KHDRBS2: variants seen among roughly 807,000 people sequenced by gnomAD.
The protein encoded by KHDRBS2 is KH domain-containing, RNA-binding, signal transduction-associated protein 2.
KHDRBS2 carries 26 observed loss-of-function variants against 44.3 expected under a neutral mutation model. The observed-to-expected ratio is 0.59, with a 90% CI of 0.43 to 0.81. The LOEUF is 0.81. KHDRBS2 is among the 40% of genes least tolerant of loss of function. The pLI is 0.00. For missense variants in KHDRBS2, 476 were observed against 433.1 expected, an observed-to-expected ratio of 1.10 and a Z score of -0.88; for synonymous variants, 194 against 151.1, an observed-to-expected ratio of 1.28 and a Z score of -2.08.
chr6:61,580,912 T>A, the KHDRBS2 span, among the ~76,000 whole-genome samples: 2 of 152,118 alleles, frequency 1.3e-5, no homozygotes, highest in Non-Finnish European at 2.9e-5. Flanking sequence ...AGGAATTAAT[T>A]CCAGACACAA....
At chr6:61,652,896 G>A in the KHDRBS2 span, among the ~76,000 whole-genome samples, 364 of 152,206 alleles carry the variant, frequency 2.4e-3, 1 homozygote, top group African/African-American at 7.7e-3. Context: ...TGAACATGCC[G>A]TGAGGAGATA....
chr6:61,734,736 ATCT>A (rs904183759), intron 6 of KHDRBS2, among the ~76,000 whole-genome samples: 4 of 152,030 alleles, frequency 2.6e-5, no homozygotes, highest in African/African-American at 9.7e-5. Flanking sequence ...TTGTTCATTC[ATCT>A]TATTATTTTC....
chr6:62,254,311 G>T (rs1203008879), intron 1 of KHDRBS2, among the ~76,000 whole-genome samples: 1 of 152,090 alleles, frequency 6.6e-6, no homozygotes, highest in Non-Finnish European at 1.5e-5. Flanking sequence ...ACAAATATTT[G>T]AATCACTGAT....
At chr6:62,242,429 G>C (rs746622993) in intron 1 of KHDRBS2, among the ~76,000 whole-genome samples, 2 of 152,088 alleles carry the variant, frequency 1.3e-5, no homozygotes, top group Non-Finnish European at 2.9e-5. Flanking sequence ...GCACATTACA[G>C]GATATTTAGC....
chr6:62,070,028 A>AT (rs1445088178), intron 2 of KHDRBS2, among the ~76,000 whole-genome samples: 1 of 151,378 alleles, frequency 6.6e-6, no homozygotes, highest in Non-Finnish European at 1.5e-5. Context: ...AAAGGTGTTA[A>AT]TTTTTGTCAG....
intron 4 of KHDRBS2, among the ~76,000 whole-genome samples, chr6:61,932,286 T>G (rs1282181489): frequency 6.6e-6 from 1 of 152,210 alleles, no homozygotes; most frequent in Non-Finnish European, 1.5e-5. Flanking sequence ...ATTTTTGTAA[T>G]GAAAGAATGT....
chr6:61,956,668 C>G (rs1242873947), intron 4 of KHDRBS2, among the ~76,000 whole-genome samples: 1 of 152,114 alleles, frequency 6.6e-6, no homozygotes, highest in Non-Finnish European at 1.5e-5. Flanking sequence ...GGTAAATTCT[C>G]CATTCTCTGC....
intron 6 of KHDRBS2, among the ~76,000 whole-genome samples, chr6:61,797,511 G>A (rs927675599): frequency 3.9e-5 from 6 of 152,034 alleles, no homozygotes; most frequent in Non-Finnish European, 8.8e-5. Flanking sequence ...AAAGCACTTA[G>A]CAAGTACCAG....
chr6:62,177,377 A>C (rs1563008124), intron 1 of KHDRBS2, 65 bp from the exon 2 acceptor site: 15 of 1,246,296 alleles, frequency 1.2e-5, no homozygotes, highest in Middle Eastern at 4.3e-4. Flanking sequence ...AATATGCTGA[A>C]AAATGTTATC....
intron 6 of KHDRBS2, among the ~76,000 whole-genome samples, chr6:61,851,377 G>A (rs1216190498): frequency 6.6e-6 from 1 of 151,884 alleles, no homozygotes; most frequent in Non-Finnish European, 1.5e-5. Context: ...TGTTGTTTGG[G>A]ACTGAACTGT....
At chr6:61,954,172 C>A (rs1214414022) in intron 4 of KHDRBS2, among the ~76,000 whole-genome samples, 1 of 151,976 alleles carries the variant, frequency 6.6e-6, no homozygotes, top group Admixed American at 6.6e-5. Flanking sequence ...CCAGAAGCAC[C>A]TGCCAAGGTC....
intron 6 of KHDRBS2, among the ~76,000 whole-genome samples, chr6:61,772,869 C>T (rs1203360412): frequency 6.6e-6 from 1 of 152,010 alleles, no homozygotes; most frequent in African/African-American, 2.4e-5. Flanking sequence ...CAATTCCCAC[C>T]TATGAGTGAG....
At chr6:61,698,602 A>G (rs908007459) in intron 7 of KHDRBS2, among the ~76,000 whole-genome samples, 2 of 152,052 alleles carry the variant, frequency 1.3e-5, no homozygotes, top group Non-Finnish European at 2.9e-5. Flanking sequence ...TTAGCTCCCT[A>G]CTCAAAATTC....
the KHDRBS2 span, among the ~76,000 whole-genome samples, chr6:61,580,638 A>G: frequency 6.6e-6 from 1 of 151,968 alleles, no homozygotes; most frequent in Admixed American, 6.6e-5. Flanking sequence ...CACTGGGACA[A>G]ACAAACAACT....
At chr6:61,642,660 CA>C in the KHDRBS2 span, among the ~76,000 whole-genome samples, 105,144 of 134,750 alleles carry the variant, frequency 0.78, 40,502 homozygotes, top group Non-Finnish European at 0.82. Context: ...GACTCCACAT[CA>C]AAAAAAAAAA....
chr6:61,870,302 G>T (rs1443973386), intron 6 of KHDRBS2, among the ~76,000 whole-genome samples: 1 of 152,138 alleles, frequency 6.6e-6, no homozygotes, highest in Non-Finnish European at 1.5e-5. Flanking sequence ...CGGAGCCCAC[G>T]CAGCTCAGTA....
intron 4 of KHDRBS2, among the ~76,000 whole-genome samples, chr6:61,957,476 C>T (rs921779059): frequency 4.0e-5 from 6 of 151,078 alleles, no homozygotes; most frequent in Non-Finnish European, 5.9e-5. Context: ...GAGAATGCGT[C>T]CCTGAGGGGA....
chr6:61,775,754 G>T (rs1781867201), intron 6 of KHDRBS2, among the ~76,000 whole-genome samples: 1 of 152,140 alleles, frequency 6.6e-6, no homozygotes, highest in Admixed American at 6.6e-5. Flanking sequence ...TCCCCATCAA[G>T]CTACCAGTGA....
At chr6:62,169,152 TATATACGTAC>T (rs1819402345) in intron 2 of KHDRBS2, among the ~76,000 whole-genome samples, 1 of 91,370 alleles carries the variant, frequency 1.1e-5, no homozygotes, top group African/African-American at 4.1e-5. Context: ...TATGTGTGTA[TATATACGTAC>T]ACATATATGT....
Sources: allele counts gnomAD v4.1 joint callset (sites outside exome capture counted in the v4.1 genomes callset), GRCh38; gene constraint gnomAD v4.1.1; transcripts MANE v1.5; gene names NCBI Gene and HGNC (gene_info 2026-07-23, HGNC 2026-07-21).